Variants in TAF4 observed in about 807,000 individuals in gnomAD.
TAF4 encodes the protein transcription initiation factor TFIID subunit 4.
In TAF4, 9 loss-of-function variants were observed where a neutral mutation model predicts 90.3. The observed-to-expected ratio is 0.10, with a 90% CI of 0.06 to 0.17. The LOEUF (loss-of-function observed/expected upper bound fraction) is 0.17. TAF4 is among the 10% of genes least tolerant of loss of function. The probability of loss-of-function intolerance (pLI) is 1.00; values close to 1 mark genes in which losing one functional copy is unlikely to be tolerated. For missense variants in TAF4, 1,351 were observed against 1,370.7 expected (o/e 0.99, Z 0.23); for synonymous variants, 818 against 638.9 (o/e 1.28, Z -4.23).
At chr20:61,996,513 G>A (rs904674837) in intron 14 of TAF4, among the ~76,000 whole-genome samples, 6 of 152,078 alleles carry the variant, frequency 3.9e-5, no homozygotes, top group African/African-American at 1.4e-4. Context: ...TGAAAATGAG[G>A]GTGAAGGCCA....
intron 14 of TAF4, among the ~76,000 whole-genome samples, chr20:61,995,551 A>G (rs568893406): frequency 9.2e-5 from 14 of 152,276 alleles, no homozygotes; most frequent in Non-Finnish European, 1.8e-4. Context: ...CCAGCAGAAG[A>G]AAGTAAGATT....
At chr20:62,054,206 G>A (rs1274146716) in intron 1 of TAF4, among the ~76,000 whole-genome samples, 2 of 152,244 alleles carry the variant, frequency 1.3e-5, no homozygotes, top group East Asian at 1.9e-4. Flanking sequence ...AGCAGCACAA[G>A]CATGAAGGAG....
chr20:61,990,059 G>T (rs1432805617), intron 14 of TAF4, among the ~76,000 whole-genome samples: 2 of 152,200 alleles, frequency 1.3e-5, no homozygotes, highest in Non-Finnish European at 2.9e-5. Flanking sequence ...ACAGCCCACA[G>T]CAAGTGCTAT....
intron 3 of TAF4, chr20:62,012,461 G>A (rs1344728225): frequency 1.7e-5 from 3 of 172,506 alleles, no homozygotes; most frequent in African/African-American, 2.4e-5. Flanking sequence ...GGCCACATGT[G>A]CACACACACA....
rs997485416 is a variant in TAF4, at chr20:62,003,177, A to G, written c.2469T>C (p.Pro823=). 2 of 1,614,148 alleles carry G rather than the reference A, an allele frequency of 1.2e-6. No homozygotes were observed. The highest frequency in any genetic ancestry group is 1.3e-5 in the African/African-American group (1 of 75,028). The change falls in exon 9 of 15, where the codon CCT becomes CCC. Residue 823 remains proline, a synonymous_variant. Transcript: ENST00000252996. The part of the protein sequence containing the change: ...AAAQKNKLKE[P]GGGSFRDDDD... The stretch of plus-strand genomic sequence containing the variant: ...TTCCTTACCGAAACGAACCTCCCCC[A>G]GGCTCCTTGAGTTTATTTTTCTGTG...
intron 1 of TAF4, among the ~76,000 whole-genome samples, chr20:62,018,990 C>T (rs531874795): frequency 1.4e-4 from 21 of 152,124 alleles, no homozygotes; most frequent in African/African-American, 4.6e-4. Flanking sequence ...CTCACAGCCC[C>T]TCTCTCTGCC....
chr20:62,062,206 A>G (rs895845609), intron 1 of TAF4, among the ~76,000 whole-genome samples: 1 of 152,240 alleles, frequency 6.6e-6, no homozygotes, highest in Non-Finnish European at 1.5e-5. Context: ...AGTTACTTCC[A>G]TCTTTGTTCT....
intron 3 of TAF4, chr20:62,012,458 T>A: frequency 5.8e-6 from 1 of 171,118 alleles, no homozygotes; most frequent in East Asian, 1.5e-4. Context: ...CAAGGCCACA[T>A]GTGCACACAC....
At chr20:62,030,219 A>T (rs1223661122) in intron 1 of TAF4, among the ~76,000 whole-genome samples, 1 of 152,242 alleles carries the variant, frequency 6.6e-6, no homozygotes, top group Non-Finnish European at 1.5e-5. Context: ...GCCCGCCAGG[A>T]AACTGGACAC....
chr20:61,994,608 G>A (rs907172507), intron 14 of TAF4, among the ~76,000 whole-genome samples: 2 of 152,208 alleles, frequency 1.3e-5, no homozygotes, highest in African/African-American at 4.8e-5. Context: ...CCATTTCTCA[G>A]AGGTCACTGC....
At chr20:62,007,907 A>C in intron 5 of TAF4, 1 of 336,910 alleles carries the variant, frequency 3.0e-6, no homozygotes, top group Non-Finnish European at 5.5e-6. Flanking sequence ...TCTCTTACTC[A>C]ATGCCAGTCT....
At chr20:61,992,509 C>G (rs1198687920) in intron 14 of TAF4, among the ~76,000 whole-genome samples, 2 of 151,386 alleles carry the variant, frequency 1.3e-5, no homozygotes, top group East Asian at 3.9e-4. Context: ...AGAATTCTTA[C>G]TGTGAAGATA....
chr20:61,995,452 CAA>C (rs1400810568), intron 14 of TAF4, among the ~76,000 whole-genome samples: 2 of 152,138 alleles, frequency 1.3e-5, no homozygotes, highest in Non-Finnish European at 2.9e-5. Flanking sequence ...GTCTGGAAAA[CAA>C]AGAGAAGACA....
rs1276412054 is a variant in TAF4 at position 61,974,871 on chromosome 20, TTCATTTC to T, written c.*1290_*1296del. On this transcript the variant is annotated 3_prime_UTR_variant, in exon 15 of 15. Transcript: ENST00000252996. This position sits in a 1 kb window ranked among gnomAD's most constrained non-coding sequence, Gnocchi z 4.1. ...ATATAAAACAATAGCAATTAAAAACTTCATTTCTGAAAGTAAAATATTTACATATGAA... is the reference window on the plus strand; with the variant it reads ...ATATAAAACAATAGCAATTAAAAACTTGAAAGTAAAATATTTACATATGAA... 6.6e-6 allele frequency: 1 copy of T among 152,426 alleles called. No homozygotes were observed. Among genetic ancestry groups the T allele is most frequent in the Non-Finnish European group, 1.5e-5 (1 of 68,044 alleles). 9.4% of individuals were successfully genotyped at this position (152,426 alleles called of 1,614,324 possible).
chr20:62,023,502 C>A (rs1162938318), intron 1 of TAF4, among the ~76,000 whole-genome samples: 3 of 152,046 alleles, frequency 2.0e-5, no homozygotes, highest in African/African-American at 7.2e-5. Context: ...AAGCTCAGCA[C>A]TTCGGAAGGC....
At chr20:62,023,434 CCAAA>C (rs1217548519) in intron 1 of TAF4, among the ~76,000 whole-genome samples, 2 of 150,322 alleles carry the variant, frequency 1.3e-5, no homozygotes, top group Non-Finnish European at 3.0e-5. Context: ...CCCTCTCAAA[CCAAA>C]CAAACCAGAA....
At chr20:62,029,480 G>A (rs1335167948) in intron 1 of TAF4, among the ~76,000 whole-genome samples, 10 of 132,502 alleles carry the variant, frequency 7.5e-5, no homozygotes, top group Admixed American at 3.7e-4. Context: ...CCACGTGCGC[G>A]CGCGCGCACA....
chr20:61,985,225 C>T (rs1410722046), intron 14 of TAF4, among the ~76,000 whole-genome samples: 7 of 151,758 alleles, frequency 4.6e-5, no homozygotes, highest in East Asian at 1.9e-4. Flanking sequence ...AGGTGAGTGA[C>T]GGCCACACTG....
At chr20:62,027,565 C>T (rs971734074) in intron 1 of TAF4, among the ~76,000 whole-genome samples, 17 of 152,200 alleles carry the variant, frequency 1.1e-4, no homozygotes, top group African/African-American at 4.1e-4. Flanking sequence ...CCTCTCCCAC[C>T]GTATATGCTA....
Sources: gnomAD v4.1 joint callset for allele counts (sites outside exome capture counted in the v4.1 genomes callset) on GRCh38, gnomAD v4.1.1 for gene constraint, Gnocchi (gnomAD v3.1) non-coding constraint, MANE v1.5 for transcripts, NCBI Gene and HGNC (gene_info 2026-07-23, HGNC 2026-07-21) for gene names.